Variants in RBFOX3 observed in about 807,000 individuals in gnomAD.
RBFOX3 encodes RNA binding protein fox-1 homolog 3.
A neutral mutation model predicts 48.7 loss-of-function variants in RBFOX3; 17 were observed. That is an observed-to-expected ratio of 0.35 (90% CI 0.24 to 0.52). The LOEUF is 0.52. RBFOX3 is among the 20% of genes least tolerant of loss of function. The pLI is 0.94. For missense variants in RBFOX3, 382 were observed against 497.5 expected (o/e 0.77, Z 2.21); for synonymous variants, 212 against 209.5 (o/e 1.01, Z -0.10).
At chr17:79,621,854 C>T in the RBFOX3 span, among the ~76,000 whole-genome samples, 8 of 151,442 alleles carry the variant, frequency 5.3e-5, no homozygotes, top group Admixed American at 2.0e-4. Flanking sequence ...TGCTCTCACC[C>T]GTGTGAAGAC....
chr17:79,380,759 G>A (rs1421346165), intron 2 of RBFOX3, among the ~76,000 whole-genome samples: 1 of 151,568 alleles, frequency 6.6e-6, no homozygotes, highest in East Asian at 1.9e-4. Context: ...GGTTCTACCT[G>A]CGTGCTCTGG....
Position 79,479,228 on chromosome 17 carries a change from TG to T in RBFOX3, c.-175+3225del, listed in dbSNP as rs2078422171. 1.3e-5 allele frequency among the ~76,000 whole-genome samples: 2 copies of T among 151,880 alleles called. No individual in the cohort carries two copies. Among genetic ancestry groups the T allele is most frequent in the African/African-American group, 4.8e-5 (2 of 41,340 alleles). ...GCCAGAGCTCTGGTAGCCCAAGGGG[TG>T]GTTTTGGCGGCCCCTTCTCTGAAGC... On this transcript the variant is annotated intron_variant, in intron 2 of 14. Transcript: ENST00000693108. The surrounding 1 kb of genome is among the most constrained non-coding windows in gnomAD (Gnocchi z 5.1).
chr17:79,321,784 C>T (rs1404921821), intron 2 of RBFOX3, among the ~76,000 whole-genome samples: 3 of 149,578 alleles, frequency 2.0e-5, no homozygotes, highest in Non-Finnish European at 4.4e-5. Context: ...TGGCTCACTG[C>T]AACCTCTGCC....
At chr17:79,377,595 C>A (rs1238085927) in intron 2 of RBFOX3, among the ~76,000 whole-genome samples, 2 of 152,206 alleles carry the variant, frequency 1.3e-5, no homozygotes, top group African/African-American at 4.8e-5. Flanking sequence ...TGCACTCAGG[C>A]GGTTCCACGG....
At chr17:79,432,931 T>G (rs1337618640) in intron 2 of RBFOX3, among the ~76,000 whole-genome samples, 2 of 152,196 alleles carry the variant, frequency 1.3e-5, no homozygotes, top group African/African-American at 2.4e-5. Context: ...CGTCCTTAAG[T>G]AAAACGTTTA....
Position 79,154,623 on chromosome 17 carries a change from C to T in RBFOX3, c.-33-38875G>A, listed in dbSNP as rs973632198. On this transcript the variant is annotated intron_variant, in intron 4 of 14. Coordinates refer to ENST00000693108, the MANE Select transcript of RBFOX3 (RefSeq NM_001350451.2). ...CTGCCCAGCCGGGCATGAGCCAGGA[C>T]GAGCCAGTATTTGGCTGGGTCTCGC... 4.5e-4 allele frequency among the ~76,000 whole-genome samples: 69 copies of T among 152,170 alleles called. 1 individual carries two copies. The highest frequency in any genetic ancestry group is 8.2e-4 in the Non-Finnish European group (56 of 68,022).
intron 1 of RBFOX3, among the ~76,000 whole-genome samples, chr17:79,595,510 C>A (rs1313533577): frequency 1.3e-5 from 2 of 152,226 alleles, no homozygotes; most frequent in Admixed American, 1.3e-4. Flanking sequence ...GGGTCTCTTT[C>A]CACATCCATG....
chr17:79,625,496 T>A, the RBFOX3 span, among the ~76,000 whole-genome samples: 1 of 152,280 alleles, frequency 6.6e-6, no homozygotes, highest in East Asian at 1.9e-4. Flanking sequence ...TTTTTAAAAA[T>A]AAGTGAGTTT....
At chr17:79,114,856 C>T (rs555291875) in intron 5 of RBFOX3, among the ~76,000 whole-genome samples, 10 of 152,284 alleles carry the variant, frequency 6.6e-5, no homozygotes, top group Admixed American at 2.6e-4. Context: ...GGTTTTTGTA[C>T]CCAGAGCCCA....
At chr17:79,326,116 C>T (rs1010623185) in intron 2 of RBFOX3, among the ~76,000 whole-genome samples, 15 of 152,006 alleles carry the variant, frequency 9.9e-5, no homozygotes, top group African/African-American at 1.7e-4. Context: ...ACTTCTGGGG[C>T]GGTTTCTTCC....
intron 4 of RBFOX3, among the ~76,000 whole-genome samples, chr17:79,193,290 T>C (rs982166642): frequency 1.3e-5 from 2 of 152,332 alleles, no homozygotes; most frequent in Middle Eastern, 3.4e-3. Context: ...GCAGGGAATG[T>C]GCCTATTAAC....
intron 2 of RBFOX3, among the ~76,000 whole-genome samples, chr17:79,386,314 A>G (rs1241540626): frequency 6.6e-6 from 1 of 151,934 alleles, no homozygotes; most frequent in Non-Finnish European, 1.5e-5. Flanking sequence ...CTCCCATGAC[A>G]GAAGGAGGCT....
At chr17:79,620,661 AC>A in the RBFOX3 span, among the ~76,000 whole-genome samples, 1 of 123,014 alleles carries the variant, frequency 8.1e-6, no homozygotes, top group Non-Finnish European at 1.5e-5. Flanking sequence ...ACATGCACAC[AC>A]GCACATGCAC....
Position 79,096,649 on chromosome 17 carries a change from T to G in RBFOX3, c.936+4A>C. 1.9e-6 allele frequency: 2 copies of G among 1,026,692 alleles called. No homozygotes were observed. The highest frequency in any genetic ancestry group is 2.8e-6 in the Non-Finnish European group (2 of 721,232). The allele number at this position is 1,026,692 out of a possible 1,614,324, so 63.6% of individuals were successfully genotyped here. On this transcript the variant is annotated splice_donor_region_variant and intron_variant, in intron 12 of 14. Transcript: ENST00000693108. ...ACCCTCCCTCCCGGCGGGGCTACAC[T>G]TACATAAATCTCAGCACCATAAAAT...
chr17:79,383,809 G>A (rs963353077), intron 2 of RBFOX3, among the ~76,000 whole-genome samples: 1 of 152,194 alleles, frequency 6.6e-6, no homozygotes, highest in Non-Finnish European at 1.5e-5. Flanking sequence ...CACAACACCC[G>A]GGAGATGCTG....
chr17:79,290,247 G>A (rs554357555), intron 3 of RBFOX3, among the ~76,000 whole-genome samples: 1 of 152,112 alleles, frequency 6.6e-6, no homozygotes, highest in East Asian at 1.9e-4. Flanking sequence ...GGCCCATGAA[G>A]ATGGCAAAGG....
intron 4 of RBFOX3, among the ~76,000 whole-genome samples, chr17:79,206,721 C>T (rs1345833063): frequency 6.6e-6 from 1 of 152,164 alleles, no homozygotes; most frequent in East Asian, 1.9e-4. Context: ...ATGTGCCGGC[C>T]AGTTAACACC....
At chr17:79,398,387 T>G (rs1267184895) in intron 2 of RBFOX3, among the ~76,000 whole-genome samples, 2 of 152,090 alleles carry the variant, frequency 1.3e-5, no homozygotes, top group Non-Finnish European at 2.9e-5. Flanking sequence ...GGGGACCCAC[T>G]ATGGGATGTG....
chr17:79,237,233 C>T (rs1433147729), intron 3 of RBFOX3, among the ~76,000 whole-genome samples: 1 of 152,178 alleles, frequency 6.6e-6, no homozygotes, highest in Non-Finnish European at 1.5e-5. Flanking sequence ...TCAGACTGGG[C>T]CTCTTTCTTC....
Sources: gnomAD v4.1 joint callset for allele counts (sites outside exome capture counted in the v4.1 genomes callset) on GRCh38, gnomAD v4.1.1 for gene constraint, Gnocchi (gnomAD v3.1) non-coding constraint, MANE v1.5 for transcripts, NCBI Gene and HGNC (gene_info 2026-07-23, HGNC 2026-07-21) for gene names.